The following COL22A1 variants were observed in gnomAD, a reference collection of about 807,000 sequenced individuals.
COL22A1 encodes the protein collagen type XXII alpha 1 chain, also known as collagen alpha-1(XXII) chain.
COL22A1 carries 221 observed loss-of-function variants against 248.9 expected under a neutral mutation model. The observed-to-expected ratio is 0.89, with a 90% CI of 0.80 to 0.99. The LOEUF is 0.99. Ranked by LOEUF, COL22A1 falls within the 50% of genes least tolerant of loss-of-function variation. The pLI is 0.00. For missense variants in COL22A1, 2,240 were observed against 2,179.0 expected, an observed-to-expected ratio of 1.03 and a Z score of -0.56; for synonymous variants, 891 against 793.4, an observed-to-expected ratio of 1.12 and a Z score of -2.07.
chr8:138,745,460 C>T (rs150825232), intron 22 of COL22A1, among the ~76,000 whole-genome samples: 217 of 152,164 alleles, frequency 1.4e-3, no homozygotes, highest in African/African-American at 4.7e-3. Flanking sequence ...TCTATTTATG[C>T]GTATTTTATA....
At chr8:138,909,550 AT>A (rs905847946) in intron 1 of COL22A1, among the ~76,000 whole-genome samples, 1 of 151,716 alleles carries the variant, frequency 6.6e-6, no homozygotes, top group South Asian at 2.1e-4. Context: ...ATCAATTCTG[AT>A]TTTTTTAAAA....
chr8:138,888,029 G>A (rs951987714), intron 1 of COL22A1, among the ~76,000 whole-genome samples: 5 of 152,192 alleles, frequency 3.3e-5, no homozygotes, highest in African/African-American at 1.2e-4. Flanking sequence ...TTATTTTCAT[G>A]TGGCTGTACA....
At chr8:138,657,524 G>T (rs1407167813) in intron 44 of COL22A1, among the ~76,000 whole-genome samples, 1 of 152,220 alleles carries the variant, frequency 6.6e-6, no homozygotes, top group African/African-American at 2.4e-5. Flanking sequence ...TAGGTACAGT[G>T]TGGTCTTGGA....
intron 1 of COL22A1, among the ~76,000 whole-genome samples, chr8:138,902,737 T>TACACACACACACACACAC (rs777413704): frequency 2.8e-5 from 3 of 107,058 alleles, no homozygotes; most frequent in African/African-American, 1.1e-4. Flanking sequence ...TATATATATA[T>TACACACACACACACACAC]ATACACACAC....
chr8:138,703,108 G>A (rs1309558287), intron 31 of COL22A1, among the ~76,000 whole-genome samples, 198 bp downstream of exon 31: 3 of 152,156 alleles, frequency 2.0e-5, no homozygotes, highest in Non-Finnish European at 2.9e-5. Flanking sequence ...TGCTTTTGCT[G>A]AATAAATCAA....
Position 138,865,917 on chromosome 8 carries a change from G to A in COL22A1, c.658+11833C>T, listed in dbSNP as rs527677838. On this transcript the variant is annotated intron_variant, in intron 3 of 64. Transcript: ENST00000303045. ...TGTGCCTATTTGTATGCCTGCATGT[G>A]AGTGTATATGTGTGTGTATGTTTGT... 3.2e-4 allele frequency among the ~76,000 whole-genome samples: 47 copies of A among 147,702 alleles called. No homozygotes were observed. In the East Asian group the frequency reaches 9.2e-3, roughly 29 times the overall value.
At chr8:138,788,541 A>G (rs1046339081) in intron 12 of COL22A1, among the ~76,000 whole-genome samples, 4 of 152,166 alleles carry the variant, frequency 2.6e-5, no homozygotes, top group Admixed American at 2.6e-4. Context: ...ATTTTAGGTG[A>G]ATTTGAAGAA....
At chr8:138,859,859 C>A (rs1402109979) in intron 3 of COL22A1, among the ~76,000 whole-genome samples, 1 of 150,736 alleles carries the variant, frequency 6.6e-6, no homozygotes, top group Non-Finnish European at 1.5e-5. Context: ...ACCTGCCATG[C>A]CCATCCCCGC....
At chr8:138,826,828 G>A in intron 5 of COL22A1, 47 bp from the exon 6 acceptor site, 2 of 1,606,940 alleles carry the variant, frequency 1.2e-6, no homozygotes, top group Non-Finnish European at 1.7e-6. Context: ...GATGAGAGCA[G>A]GGAGCCAGCA....
intron 48 of COL22A1, 69 bp from the exon 49 acceptor site, chr8:138,635,132 A>T: frequency 7.6e-7 from 1 of 1,319,934 alleles, no homozygotes; most frequent in Non-Finnish European, 1.1e-6. Context: ...GCAAATATCA[A>T]ATTTCAGAAA....
Position 138,655,956 on chromosome 8 carries a change from A to C in COL22A1, c.3286-12T>G. The C allele has an allele frequency of 6.2e-7, 1 of 1,605,838 alleles. No homozygotes were observed. Among genetic ancestry groups the C allele is most frequent in the Non-Finnish European group, 8.5e-7 (1 of 1,173,258 alleles). On this transcript the variant is annotated splice_polypyrimidine_tract_variant and intron_variant, in intron 44 of 64. Transcript: ENST00000303045. ...AGTGAAGAGAGGCCCTGTCAAAATA[A>C]AAAGAAACAAACACATACGTACATG...
intron 53 of COL22A1, 40 bp downstream of exon 53, chr8:138,619,415 G>C: frequency 1.3e-6 from 2 of 1,597,814 alleles, no homozygotes; most frequent in East Asian, 2.2e-5. Context: ...GTAGCTGATG[G>C]GCTTGGTTCT....
intron 9 of COL22A1, 109 bp from the exon 10 acceptor site, chr8:138,807,921 A>C (rs927184425): frequency 2.7e-6 from 3 of 1,100,116 alleles, no homozygotes; most frequent in Non-Finnish European, 4.0e-6. Context: ...TGGCTTAGTA[A>C]GCCCAGCGCC....
At chr8:138,817,771 T>C (rs1818792127) in intron 7 of COL22A1, among the ~76,000 whole-genome samples, 1 of 152,196 alleles carries the variant, frequency 6.6e-6, no homozygotes, top group Non-Finnish European at 1.5e-5. Flanking sequence ...TATTGAAAGC[T>C]GGCGGTATTC....
intron 3 of COL22A1, among the ~76,000 whole-genome samples, chr8:138,848,022 C>T (rs1368470059): frequency 6.6e-6 from 1 of 152,148 alleles, no homozygotes; most frequent in Non-Finnish European, 1.5e-5. Context: ...GAAATACAGA[C>T]TGAGTTACCT....
At position 138,650,907 on chromosome 8, in the gene COL22A1, C is replaced by T. The variant is rs73445445; in HGVS notation, c.3334-1129G>A. The stretch of plus-strand genomic sequence containing the variant: ...GTGTCTTGAAGAGCTCTCAGTTCAA[C>T]GCTGTCAACTGACACAAATACATGC... On this transcript the variant is annotated intron_variant, in intron 45 of 64. Transcript: ENST00000303045. Among the ~76,000 whole-genome samples the T allele has an allele frequency of 2.7e-3, 404 of 152,308 alleles. 2 individuals carry two copies. Among genetic ancestry groups the T allele is most frequent in the African/African-American group, 9.4e-3 (389 of 41,572 alleles).
At chr8:138,784,218 T>G (rs2131547181) in intron 12 of COL22A1, among the ~76,000 whole-genome samples, 1 of 152,344 alleles carries the variant, frequency 6.6e-6, no homozygotes, top group East Asian at 1.9e-4. Flanking sequence ...GACATGCTCA[T>G]TCCAGGATAC....
chr8:138,703,621 T>C lies in COL22A1; in HGVS notation c.2518-274A>G, dbSNP rs148524215. Among the ~76,000 whole-genome samples the C allele has an allele frequency of 5.8e-3, 890 of 152,324 alleles. 6 individuals are homozygous for C. The highest frequency in any genetic ancestry group is 0.021 in the African/African-American group (853 of 41,576). On this transcript the variant is annotated intron_variant, in intron 30 of 64. Transcript: ENST00000303045. The stretch of plus-strand genomic sequence containing the variant: ...TAGTGGTAGATCATTTATATCACTA[T>C]ATACTATTCTATTGTGTAAATGGTA...
chr8:138,890,471 T>C (rs932426784), intron 1 of COL22A1, among the ~76,000 whole-genome samples: 4 of 152,050 alleles, frequency 2.6e-5, no homozygotes, highest in Admixed American at 6.5e-5. Context: ...TTTTTAGGGA[T>C]GGGGATTCAC....
Sources: allele counts gnomAD v4.1 joint callset (sites outside exome capture counted in the v4.1 genomes callset), GRCh38; gene constraint gnomAD v4.1.1; transcripts MANE v1.5; gene names NCBI Gene and HGNC (gene_info 2026-07-23, HGNC 2026-07-21).